The following IRAG1 variants were observed in gnomAD, a reference collection of about 807,000 sequenced individuals.
IRAG1 encodes inositol 1,4,5-triphosphate receptor associated 1.
A neutral mutation model predicts 106.2 loss-of-function variants in IRAG1; 62 were observed. The observed-to-expected ratio is 0.58, with a 90% CI of 0.48 to 0.72. IRAG1 has a LOEUF of 0.72. IRAG1 is among the 30% of genes least tolerant of loss of function. The probability of loss-of-function intolerance (pLI) is 0.00; values close to 1 mark genes in which losing one functional copy is unlikely to be tolerated. For missense variants in IRAG1, 1,064 were observed against 1,140.7 expected, an observed-to-expected ratio of 0.93 and a Z score of 0.97; for synonymous variants, 462 against 443.9, an observed-to-expected ratio of 1.04 and a Z score of -0.51.
At chr11:10,627,563 G>A (rs1336608268) in intron 8 of IRAG1, among the ~76,000 whole-genome samples, 153 bp downstream of exon 8, 1 of 150,940 alleles carries the variant, frequency 6.6e-6, no homozygotes, top group South Asian at 2.1e-4. Context: ...GTCACTATAA[G>A]GCAGGGGAAT....
At chr11:10,606,894 G>C in intron 11 of IRAG1, 122 bp from the exon 12 acceptor site, 1 of 843,610 alleles carries the variant, frequency 1.2e-6, no homozygotes, top group Non-Finnish European at 1.8e-6. Context: ...TGGTGAGAAG[G>C]AAAAGATGCA....
intron 10 of IRAG1, among the ~76,000 whole-genome samples, chr11:10,615,430 G>T (rs574224051): frequency 0.048 from 7,314 of 152,148 alleles, 395 homozygotes; most frequent in African/African-American, 0.13. Context: ...TCCCATTACT[G>T]GATATATACC....
In IRAG1 at chr11:10,657,403, C is replaced by T. The variant is rs916778125; in HGVS notation, c.68-5221G>A. Among the ~76,000 whole-genome samples, 3 of 152,134 alleles carry T rather than the reference C, an allele frequency of 2.0e-5. No homozygotes were observed. The highest frequency in any genetic ancestry group is 6.5e-5 in the Admixed American group (1 of 15,278). On this transcript the variant is annotated intron_variant, in intron 1 of 20. Transcript: ENST00000423302. The surrounding 1 kb of genome is among the most constrained non-coding windows in gnomAD (Gnocchi z 4.1). The stretch of plus-strand genomic sequence containing the variant: ...CCTCTCATCATGGCGCCAAAGATGC[C>T]TCTCCCAGAGCCTTGCAACCTGCCT...
rs143556330 is a variant in IRAG1 at position 10,580,254 on chromosome 11, T to C, written c.2495+201A>G. ...CTCTCAAGCTCTTGCAAACTTCTCA[T>C]TGCTAGCTATCTTGGCTCTTTGGGA... On this transcript the variant is annotated intron_variant, in intron 20 of 20. Coordinates refer to ENST00000423302, the MANE Select transcript of IRAG1 (RefSeq NM_130385.4). Among the ~76,000 whole-genome samples, 1,205 of 152,306 alleles carry C rather than the reference T, an allele frequency of 7.9e-3. 14 individuals carry two copies. The highest frequency in any genetic ancestry group is 0.027 in the African/African-American group (1,130 of 41,568).
In IRAG1 at chr11:10,693,528, A is replaced by G. The variant is rs573373858; in HGVS notation, c.67+8T>C. ...GGCAGGTTATTCTAGGATATAGGGG[A>G]GGCTTACCTAAAACTGAGTTATTCT... is the stretch of plus-strand genomic sequence containing the variant. On this transcript the variant is annotated splice_region_variant and intron_variant, in intron 1 of 20. Coordinates refer to ENST00000423302, the MANE Select transcript of IRAG1 (RefSeq NM_130385.4). 7.8e-6 allele frequency: 12 copies of G among 1,535,530 alleles called. No homozygotes were observed. In the Admixed American group the frequency reaches 1.8e-4, roughly 23 times the overall value.
At chr11:10,645,114 G>A (rs1857839156) in intron 2 of IRAG1, among the ~76,000 whole-genome samples, 1 of 152,132 alleles carries the variant, frequency 6.6e-6, no homozygotes, top group Non-Finnish European at 1.5e-5. Context: ...ACCTTAGTTA[G>A]TTAATGCTCA....
intron 1 of IRAG1, among the ~76,000 whole-genome samples, chr11:10,653,870 G>C (rs773403427): frequency 6.6e-6 from 1 of 152,100 alleles, no homozygotes; most frequent in Non-Finnish European, 1.5e-5. Context: ...ATACCTTCAG[G>C]AATCTATAGA....
intron 20 of IRAG1, among the ~76,000 whole-genome samples, chr11:10,579,415 C>T (rs573794549): frequency 5.3e-5 from 8 of 152,258 alleles, no homozygotes; most frequent in African/African-American, 1.9e-4. Flanking sequence ...TCTGGAGCTG[C>T]CCTGGACCCC....
At chr11:10,671,185 A>G (rs1307675790) in intron 1 of IRAG1, among the ~76,000 whole-genome samples, 1 of 152,242 alleles carries the variant, frequency 6.6e-6, no homozygotes, top group Middle Eastern at 3.2e-3. Flanking sequence ...CTACCTTTGA[A>G]GAAGTAAAAT....
At chr11:10,581,414 T>C (rs1192812963) in intron 19 of IRAG1, among the ~76,000 whole-genome samples, 1 of 151,990 alleles carries the variant, frequency 6.6e-6, no homozygotes, top group Non-Finnish European at 1.5e-5. Flanking sequence ...GAAGCTCAAA[T>C]GGAGGAGGAG....
chr11:10,652,989 C>T (rs536326318), intron 1 of IRAG1, among the ~76,000 whole-genome samples: 18 of 152,280 alleles, frequency 1.2e-4, no homozygotes, highest in African/African-American at 4.1e-4. Flanking sequence ...CATGGTGCAG[C>T]AGCCTGGGGG....
At chr11:10,658,195 G>A (rs1210613286) in intron 1 of IRAG1, among the ~76,000 whole-genome samples, 18 of 152,162 alleles carry the variant, frequency 1.2e-4, no homozygotes, top group Admixed American at 1.0e-3. Flanking sequence ...TGGGTTCCGC[G>A]ACTCCACAAG....
rs116226718 is a variant in IRAG1 at position 10,674,948 on chromosome 11, G to A, written c.67+18588C>T. Reference sequence around the variant, plus strand: ...TGGGGGTTCATCCCCTCATATGAAGGATTCTCTTTGGAGAAGATGTTGGGG... The same window carrying A: ...TGGGGGTTCATCCCCTCATATGAAGAATTCTCTTTGGAGAAGATGTTGGGG... On this transcript the variant is annotated intron_variant, in intron 1 of 20. Transcript: ENST00000423302. Among the ~76,000 whole-genome samples the A allele has an allele frequency of 6.3e-3, 962 of 152,342 alleles. 9 individuals carry two copies. The highest frequency in any genetic ancestry group is 0.022 in the African/African-American group (894 of 41,574).
At chr11:10,687,807 A>C (rs1428315665) in intron 1 of IRAG1, 14 of 1,289,000 alleles carry the variant, frequency 1.1e-5, no homozygotes, top group Non-Finnish European at 1.3e-5. Context: ...GGCTAGAAAT[A>C]ATAAGACCTA....
intron 18 of IRAG1, among the ~76,000 whole-genome samples, chr11:10,586,871 TTAAGTGCCTG>T (rs1852065588): frequency 6.6e-6 from 1 of 152,226 alleles, no homozygotes. Flanking sequence ...GTAGGTGCCT[TTAAGTGCCTG>T]TCAAGTTGCA....
chr11:10,658,184 C>A (rs1440418656), intron 1 of IRAG1, among the ~76,000 whole-genome samples: 2 of 152,206 alleles, frequency 1.3e-5, no homozygotes, highest in African/African-American at 4.8e-5. Context: ...AACTGCAGAG[C>A]TGGGTTCCGC....
At chr11:10,577,205 T>C (rs12285938) in intron 20 of IRAG1, among the ~76,000 whole-genome samples, 12,533 of 152,264 alleles carry the variant, frequency 0.082, 1,184 homozygotes, top group African/African-American at 0.23. Flanking sequence ...TCTAGCAATG[T>C]CTGGGTGGTT....
chr11:10,603,385 T>TA (rs759308327), intron 13 of IRAG1, 134 bp from the exon 14 acceptor site: 6 of 990,002 alleles, frequency 6.1e-6, no homozygotes, highest in Middle Eastern at 3.3e-4. Flanking sequence ...GGCGATGGTT[T>TA]GGGGATGAAA....
chr11:10,614,723 A>G (rs1292468203), intron 10 of IRAG1, among the ~76,000 whole-genome samples: 4 of 152,244 alleles, frequency 2.6e-5, no homozygotes, highest in African/African-American at 9.6e-5. Context: ...GGTGCTGGGA[A>G]AACTGGCTAG....
Sources: gnomAD v4.1 joint callset for allele counts (sites outside exome capture counted in the v4.1 genomes callset) on GRCh38, gnomAD v4.1.1 for gene constraint, Gnocchi (gnomAD v3.1) non-coding constraint, MANE v1.5 for transcripts, NCBI Gene and HGNC (gene_info 2026-07-23, HGNC 2026-07-21) for gene names.